Variants in PKHD1 observed in about 807,000 individuals in gnomAD.
The protein encoded by PKHD1 is fibrocystin.
A neutral mutation model predicts 412.0 loss-of-function variants in PKHD1; 291 were observed. The ratio of observed to expected loss-of-function variants is 0.71; its 90% CI spans 0.64 to 0.78. PKHD1 has a LOEUF of 0.78. PKHD1 is among the 30% of genes least tolerant of loss of function. PKHD1 has a pLI of 0.00. For synonymous variants in PKHD1, 1,777 were observed against 1,821.5 expected (o/e 0.98, Z 0.62); for missense variants, 4,825 against 4,950.7 (o/e 0.97, Z 0.76).
chr6:52,030,269 G>A (rs1019920835), intron 29 of PKHD1, among the ~76,000 whole-genome samples: 1 of 152,212 alleles, frequency 6.6e-6, no homozygotes, highest in Non-Finnish European at 1.5e-5. Context: ...CTGTGACTTT[G>A]GGTGATTTAC....
At chr6:51,646,342 T>C (rs1183346401) in intron 63 of PKHD1, among the ~76,000 whole-genome samples, 1 of 152,114 alleles carries the variant, frequency 6.6e-6, no homozygotes. Context: ...CCCCTATGCA[T>C]GAAGAGTTTG....
At chr6:51,730,985 A>C (rs1783170056) in intron 60 of PKHD1, among the ~76,000 whole-genome samples, 1 of 152,146 alleles carries the variant, frequency 6.6e-6, no homozygotes. Context: ...CAGTGGCATA[A>C]TCATGGCTCA....
chr6:52,050,396 A>G, intron 21 of PKHD1, 101 bp from the exon 22 acceptor site: 1 of 1,153,988 alleles, frequency 8.7e-7, no homozygotes, highest in South Asian at 1.2e-5. Context: ...ATCTCAGTAC[A>G]CACCTAAAGC....
At chr6:52,083,131 G>A in intron 3 of PKHD1, 47 bp downstream of exon 3, 8 of 1,197,084 alleles carry the variant, frequency 6.7e-6, no homozygotes, top group African/African-American at 4.5e-5. Context: ...CTTTAGGATT[G>A]TGGGTCAATA....
intron 37 of PKHD1, among the ~76,000 whole-genome samples, chr6:51,932,408 T>A (rs1444208564): frequency 3.3e-5 from 5 of 152,226 alleles, no homozygotes; most frequent in Non-Finnish European, 7.3e-5. Flanking sequence ...GCTATCTGCA[T>A]CATACAGGAC....
At chr6:51,627,532 C>T (rs937246923) in intron 65 of PKHD1, among the ~76,000 whole-genome samples, 1 of 151,854 alleles carries the variant, frequency 6.6e-6, no homozygotes, top group Non-Finnish European at 1.5e-5. Context: ...GCATATGTGG[C>T]TCATGTTATA....
intron 60 of PKHD1, among the ~76,000 whole-genome samples, chr6:51,701,874 G>A (rs1019710843): frequency 2.6e-5 from 4 of 151,358 alleles, no homozygotes; most frequent in African/African-American, 9.7e-5. Context: ...GAAAAATCAA[G>A]GATATTATGT....
rs1272367929 is a variant in PKHD1, at chr6:52,042,913, G to A, written c.3043C>T (p.Leu1015=). Reference sequence around the variant, plus strand: ...ATATCCAGTCTAGGTTTCACATTTAGGAAGAGGTCTTCTCCAGTGGCACTG... The same window carrying A: ...ATATCCAGTCTAGGTTTCACATTTAAGAAGAGGTCTTCTCCAGTGGCACTG... The part of the protein sequence containing the change: ...AISATGEDLF[L]NVKPRLDMVE... The change falls in exon 27 of 67, where the codon CTA becomes TTA. Residue 1015 remains leucine (L), a synonymous_variant. Transcript: ENST00000371117. 5.0e-6 allele frequency: 8 copies of A among 1,613,964 alleles called. No homozygotes were observed. The highest frequency in any genetic ancestry group is 2.2e-5 in the East Asian group (1 of 44,886).
chr6:52,040,165 G>T (rs185497221), intron 27 of PKHD1, among the ~76,000 whole-genome samples: 4 of 152,286 alleles, frequency 2.6e-5, no homozygotes, highest in African/African-American at 9.6e-5. Context: ...TGAAAATGTT[G>T]TTGAATCAGG....
rs6901799 is a variant in PKHD1 at position 52,082,459 on chromosome 6, G to A, written c.214C>T (p.Leu72=). The change falls in exon 4 of 67, where the codon CTG becomes TTG. Residue 72 remains leucine, a synonymous_variant. Coordinates refer to ENST00000371117, the MANE Select transcript of PKHD1 (RefSeq NM_138694.4). The part of the protein sequence containing the change: ...LVNVNMVVPA[L]RSVPCDVFPV... ...AAGACGTCACAGGGAACACTCCGCA[G>A]TGCGGGCACCACCATGTTCACGTTC... The A allele has an allele frequency of 0.1, 165,913 of 1,613,794 alleles. 9,096 individuals are homozygous for A. The highest frequency in any genetic ancestry group is 0.18 in the Middle Eastern group (1,089 of 6,062).
intron 37 of PKHD1, among the ~76,000 whole-genome samples, chr6:51,929,767 A>G (rs973501651): frequency 1.3e-5 from 2 of 152,202 alleles, no homozygotes; most frequent in African/African-American, 4.8e-5. Context: ...CCAAATTCTT[A>G]TGTTCCTTGC....
At chr6:51,833,746 T>A (rs986315410) in intron 51 of PKHD1, among the ~76,000 whole-genome samples, 1 of 152,270 alleles carries the variant, frequency 6.6e-6, no homozygotes, top group Non-Finnish European at 1.5e-5. Flanking sequence ...GAAACCATAT[T>A]ACAGTGGATT....
At position 51,911,881 on chromosome 6, in the gene PKHD1, G is replaced by T. The variant is rs529005903; in HGVS notation, c.6408C>A (p.Ser2136Arg). The T allele has an allele frequency of 7.0e-5, 112 of 1,610,986 alleles. No individual in the cohort carries two copies. In the South Asian group the frequency reaches 1.1e-3, roughly 16 times the overall value. The change falls in exon 39 of 67, where the codon AGC becomes AGA. Residue 2136 changes from serine to arginine, a missense_variant. By Grantham distance (110) the Ser-to-Arg change is moderately radical. Transcript: ENST00000371117. ...HILKATVALLSRSITIQGNLT... is the reference protein window; with the variant it reads ...HILKATVALLRRSITIQGNLT... ...GATTTCCTTGTATGGTAATACTCCT[G>T]CTGAGCAGAGCCACAGTGGCCTTTA...
In PKHD1 at chr6:51,702,088, T is replaced by C. The variant is rs565999246; in HGVS notation, c.10157-42119A>G. ...ATGTTTATAGCAGCACAATTCACAA[T>C]TGCAAAAATATGGAACCAGCCCAAA... On this transcript the variant is annotated intron_variant, in intron 60 of 66. Transcript: ENST00000371117. 1.9e-3 allele frequency among the ~76,000 whole-genome samples: 273 copies of C among 144,860 alleles called. 1 individual carries two copies. The highest frequency in any genetic ancestry group is 7.0e-3 in the African/African-American group (267 of 38,218).
intron 35 of PKHD1, among the ~76,000 whole-genome samples, chr6:51,983,413 C>T (rs551042876): frequency 9.9e-5 from 15 of 152,244 alleles, no homozygotes; most frequent in African/African-American, 2.6e-4. Context: ...TCTCAAAAGC[C>T]GAACCTTCTG....
At chr6:52,039,563 T>C (rs1804506158) in intron 27 of PKHD1, among the ~76,000 whole-genome samples, 1 of 152,182 alleles carries the variant, frequency 6.6e-6, no homozygotes, top group Non-Finnish European at 1.5e-5. Flanking sequence ...CAATTACACC[T>C]CTTTTCTTTA....
chr6:51,790,690 C>A (rs1163036737), intron 53 of PKHD1, among the ~76,000 whole-genome samples: 1 of 152,202 alleles, frequency 6.6e-6, no homozygotes, highest in Non-Finnish European at 1.5e-5. Context: ...GAAGCTGTGG[C>A]TACCTTGTAT....
At chr6:51,763,860 T>TACAATATTTTAG (rs1463272486) in intron 55 of PKHD1, among the ~76,000 whole-genome samples, 2 of 152,046 alleles carry the variant, frequency 1.3e-5, no homozygotes, top group Non-Finnish European at 2.9e-5. Context: ...GATGTACAAG[T>TACAATATTTTAG]ATGATAATAA....
intron 37 of PKHD1, among the ~76,000 whole-genome samples, chr6:51,914,513 A>G (rs1197729394): frequency 6.6e-6 from 1 of 152,114 alleles, no homozygotes; most frequent in Non-Finnish European, 1.5e-5. Flanking sequence ...AAATTATTGT[A>G]ATAATTATCT....
Sources: gnomAD v4.1 joint callset for allele counts (sites outside exome capture counted in the v4.1 genomes callset) on GRCh38, gnomAD v4.1.1 for gene constraint, MANE v1.5 for transcripts, NCBI Gene and HGNC (gene_info 2026-07-23, HGNC 2026-07-21) for gene names.